SYNE1: variants seen among roughly 807,000 people sequenced by gnomAD.
SYNE1 encodes nesprin-1.
SYNE1 carries 616 observed loss-of-function variants against 1,111.0 expected under a neutral mutation model. The observed-to-expected ratio is 0.55, with a 90% CI of 0.52 to 0.59. The LOEUF (loss-of-function observed/expected upper bound fraction) is 0.59, where lower values mean the gene tolerates loss of function less well. Ranked by LOEUF, SYNE1 falls within the 20% of genes least tolerant of loss-of-function variation. The pLI is 0.00. For synonymous variants in SYNE1, 3,855 were observed against 3,825.8 expected (o/e 1.01, Z -0.28); for missense variants, 10,006 against 10,417.0 (o/e 0.96, Z 1.72).
At chr6:152,410,864 G>A (rs557110165) in intron 42 of SYNE1, among the ~76,000 whole-genome samples, 1 of 152,124 alleles carries the variant, frequency 6.6e-6, no homozygotes, top group African/African-American at 2.4e-5. Context: ...TTTGTAATAG[G>A]AGAAAATATA....
chr6:152,253,602 A>G (rs1379294815), intron 104 of SYNE1, among the ~76,000 whole-genome samples: 1 of 152,188 alleles, frequency 6.6e-6, no homozygotes, highest in African/African-American at 2.4e-5. Context: ...CTGACTTTGC[A>G]AAATTATTAT....
intron 4 of SYNE1, among the ~76,000 whole-genome samples, chr6:152,527,617 C>G (rs1404517511): frequency 6.6e-6 from 1 of 152,114 alleles, no homozygotes; most frequent in Non-Finnish European, 1.5e-5. Context: ...TTCAAAGTAA[C>G]CACTTGTACC....
intron 51 of SYNE1, among the ~76,000 whole-genome samples, chr6:152,394,161 C>A (rs2097693821): frequency 6.6e-6 from 1 of 152,190 alleles, no homozygotes; most frequent in South Asian, 2.1e-4. Context: ...TGAAACTCAT[C>A]CTTTTTATGG....
chr6:152,479,619 G>A (rs1277375152), intron 14 of SYNE1, among the ~76,000 whole-genome samples: 3 of 152,064 alleles, frequency 2.0e-5, no homozygotes, highest in African/African-American at 7.2e-5. Context: ...TCTCACATCC[G>A]TCATGTTAAG....
At chr6:152,295,154 C>G (rs186191998) in intron 93 of SYNE1, among the ~76,000 whole-genome samples, 6 of 152,256 alleles carry the variant, frequency 3.9e-5, no homozygotes, top group Admixed American at 2.0e-4. Flanking sequence ...ATAATTGGAG[C>G]AAATAACTTA....
In SYNE1 at chr6:152,373,169, C is replaced by G. The variant is rs376622495; in HGVS notation, c.9375G>C (p.Leu3125=). 10 of 1,613,910 alleles carry G rather than the reference C, an allele frequency of 6.2e-6. No homozygotes were observed. Among genetic ancestry groups the G allele is most frequent in the African/African-American group, 1.3e-5 (1 of 74,922 alleles). Residue 3125 remains leucine (L), a synonymous_variant, in exon 59 of 146, where the codon CTG becomes CTC. Transcript: ENST00000367255. ...ENGQHKLNMM[L]SKGELLSTLL... is the part of the protein sequence containing the mutation. ...GGGTACTCAGAAGTTCCCCTTTAGA[C>G]AGCATCATGTTTAGCTTGTGCTGTC...
intron 122 of SYNE1, 21 bp downstream of exon 122, chr6:152,214,885 G>A (rs755964655): frequency 6.2e-7 from 1 of 1,613,948 alleles, no homozygotes; most frequent in South Asian, 1.1e-5. Flanking sequence ...GAGCAACCAA[G>A]ACATCTCTTG....
Position 152,364,829 on chromosome 6 carries a change from G to A in SYNE1, c.10145+18C>T, listed in dbSNP as rs79796456. ...TTTAGTAATAGCTTCCCCAGTGCTTGGCTGTAGTTTCCCTCACCTTTTACA... is the reference window on the plus strand; with the variant it reads ...TTTAGTAATAGCTTCCCCAGTGCTTAGCTGTAGTTTCCCTCACCTTTTACA... On this transcript the variant is annotated intron_variant, in intron 63 of 145. Coordinates refer to ENST00000367255, the MANE Select transcript of SYNE1 (RefSeq NM_182961.4). The A allele has an allele frequency of 1.6e-5, 26 of 1,613,968 alleles. No individual in the cohort carries two copies. Among genetic ancestry groups the A allele is most frequent in the Non-Finnish European group, 2.0e-5 (24 of 1,180,006 alleles).
At chr6:152,543,527 A>C (rs1253575307) in intron 3 of SYNE1, among the ~76,000 whole-genome samples, 1 of 152,220 alleles carries the variant, frequency 6.6e-6, no homozygotes, top group Non-Finnish European at 1.5e-5. Context: ...ATGTCTATCA[A>C]CTTGTGTTAA....
Position 152,344,100 on chromosome 6 carries a change from C to T in SYNE1, c.12206G>A (p.Arg4069Lys). ...TACTACCTGCTTAATGGCTTCTGCC[C>T]TACTAAGAGGTGGTTGAGGACTTGG... Reference protein sequence around the residue: ...LEPSPQPPLSRAEAIKQVKHF... With the variant: ...LEPSPQPPLSKAEAIKQVKHF... Residue 4069 changes from arginine (R) to lysine (K), a missense_variant, in exon 74 of 146, where the codon AGG (arginine) becomes AAG (lysine). Arg to Lys is a conservative substitution (Grantham distance 26). Around this residue, in one of 7 missense-constraint regions of SYNE1, gnomAD observed 4,955 missense variants for 5,017.2 expected, o/e 0.99. Coordinates refer to ENST00000367255, the MANE Select transcript of SYNE1 (RefSeq NM_182961.4). 1 of 1,614,186 alleles carries T rather than the reference C, an allele frequency of 6.2e-7. No individual in the cohort carries two copies. Among genetic ancestry groups the T allele is most frequent in the Non-Finnish European group, 8.5e-7 (1 of 1,180,030 alleles).
chr6:152,299,501 G>A (rs186078487), intron 93 of SYNE1, among the ~76,000 whole-genome samples: 120 of 152,250 alleles, frequency 7.9e-4, no homozygotes, highest in African/African-American at 2.5e-3. Flanking sequence ...TCAGGGCCTT[G>A]CAGGTAGGGC....
chr6:152,459,891 T>C (rs2098721112), intron 21 of SYNE1, among the ~76,000 whole-genome samples: 1 of 152,230 alleles, frequency 6.6e-6, no homozygotes, highest in African/African-American at 2.4e-5. Flanking sequence ...CATAGAATTA[T>C]GTATGAAGAA....
Position 152,225,758 on chromosome 6 carries a change from C to T in SYNE1, c.21314G>A (p.Arg7105Gln), listed in dbSNP as rs533713546. The T allele has an allele frequency of 1.2e-5, 19 of 1,614,136 alleles. No homozygotes were observed. The highest frequency in any genetic ancestry group is 6.6e-5 in the South Asian group (6 of 91,076). ...ATTTGCCCAGGTTTGGCCGAGCTCT[C>T]GCAGTGTGCTCATGACAATGCTAGA... ...DVSSIVMSTL[R>Q]ELGQTWANLD... The change falls in exon 116 of 146, where the codon CGA becomes CAA. Residue 7105 changes from arginine to glutamine, a missense_variant. Transcript: ENST00000367255.
At position 152,565,739 on chromosome 6, in the gene SYNE1, G is replaced by A. The variant is rs146178832; in HGVS notation, c.68-25718C>T. On this transcript the variant is annotated intron_variant, in intron 3 of 145. Coordinates refer to ENST00000367255, the MANE Select transcript of SYNE1 (RefSeq NM_182961.4). The stretch of plus-strand genomic sequence containing the variant: ...AAACTGAAAAAATAAGAGGGAGATG[G>A]TTTTCAGTTGTTTTACAAATAGGAT... Among the ~76,000 whole-genome samples the A allele has an allele frequency of 5.3e-3, 803 of 151,456 alleles. 3 individuals carry two copies. The highest frequency in any genetic ancestry group is 0.012 in the Admixed American group (176 of 15,222).
rs568653807 is a variant in SYNE1, at chr6:152,547,640, C to A, written c.68-7619G>T. ...GATATTTTCTTATTCCTAGTCTTTC[C>A]AAAAAAAAGATTTGCAAAGTAAGAA... On this transcript the variant is annotated intron_variant, in intron 3 of 145. Transcript: ENST00000367255. Among the ~76,000 whole-genome samples, 4 of 151,662 alleles carry A rather than the reference C, an allele frequency of 2.6e-5. No individual in the cohort carries two copies. The South Asian group carries it at 8.3e-4, about 32-fold the overall frequency.
intron 3 of SYNE1, among the ~76,000 whole-genome samples, chr6:152,544,543 TAA>T (rs79123703): frequency 1.4e-5 from 2 of 138,080 alleles, no homozygotes; most frequent in Admixed American, 7.3e-5. Flanking sequence ...AGAAATGAGT[TAA>T]AAAAAAAAAA....
chr6:152,202,380 A>AAGCAAAAAAAG (rs2075677158), intron 126 of SYNE1, among the ~76,000 whole-genome samples: 1 of 149,062 alleles, frequency 6.7e-6, no homozygotes, highest in African/African-American at 2.6e-5. Context: ...GCAAAAAAAA[A>AAGCAAAAAAAG]AAAGAACAAA....
Position 152,319,113 on chromosome 6 carries a change from G to T in SYNE1, c.16237-98C>A, listed in dbSNP as rs2306915. The stretch of plus-strand genomic sequence containing the variant: ...GATGTTGACAAGACACATTTTAACT[G>T]CTTTGGCATTGAAACACCTGGTCAC... On this transcript the variant is annotated intron_variant, in intron 84 of 145. Coordinates refer to ENST00000367255, the MANE Select transcript of SYNE1 (RefSeq NM_182961.4). 239,159 of 1,524,224 alleles carry T rather than the reference G, an allele frequency of 0.16. 22,266 individuals are homozygous for T. The highest frequency in any genetic ancestry group is 0.49 in the East Asian group (20,696 of 42,182). The allele number at this position is 1,524,224 out of a possible 1,614,324, so 94.4% of individuals were successfully genotyped here.
intron 84 of SYNE1, among the ~76,000 whole-genome samples, chr6:152,320,689 G>C (rs541629639): frequency 2.0e-5 from 3 of 152,304 alleles, no homozygotes; most frequent in African/African-American, 7.2e-5. Context: ...TAGAGTTATA[G>C]ACAGGATTAT....
Sources: gnomAD v4.1 joint callset for allele counts (sites outside exome capture counted in the v4.1 genomes callset) on GRCh38, gnomAD v4.1.1 for gene constraint, gnomAD v4.1.1 regional missense constraint, MANE v1.5 for transcripts, NCBI Gene and HGNC (gene_info 2026-07-23, HGNC 2026-07-21) for gene names.